The following CDYL variants were observed in gnomAD, a reference collection of about 807,000 sequenced individuals.
The protein encoded by CDYL is chromodomain Y like.
A neutral mutation model predicts 47.3 loss-of-function variants in CDYL; 8 were observed. The ratio of observed to expected loss-of-function variants is 0.17; its 90% CI spans 0.10 to 0.31. CDYL has a LOEUF of 0.31. CDYL is among the 10% of genes least tolerant of loss of function. The pLI is 1.00. For missense variants in CDYL, 471 were observed against 701.4 expected, an observed-to-expected ratio of 0.67 and a Z score of 3.71; for synonymous variants, 266 against 265.0, an observed-to-expected ratio of 1.00 and a Z score of -0.04.
At chr6:4,810,088 C>T (rs1291218437) in intron 1 of CDYL, among the ~76,000 whole-genome samples, 1 of 151,896 alleles carries the variant, frequency 6.6e-6, no homozygotes, top group African/African-American at 2.4e-5. Flanking sequence ...TACTTTCTCC[C>T]CGTTGGCTTT....
chr6:4,823,785 G>A (rs998185887), intron 1 of CDYL, among the ~76,000 whole-genome samples: 4 of 152,048 alleles, frequency 2.6e-5, no homozygotes, highest in Non-Finnish European at 4.4e-5. Context: ...ACAATTCCAT[G>A]ATATTAATCA....
At chr6:4,777,640 C>G (rs997543200) in intron 1 of CDYL, among the ~76,000 whole-genome samples, 1 of 152,128 alleles carries the variant, frequency 6.6e-6, no homozygotes, top group African/African-American at 2.4e-5. Flanking sequence ...AAATAAGTTC[C>G]TAAGAGACTT....
intron 3 of CDYL, among the ~76,000 whole-genome samples, chr6:4,769,215 A>G (rs1331200018): frequency 6.6e-6 from 1 of 152,214 alleles, no homozygotes; most frequent in African/African-American, 2.4e-5. Context: ...ATATTGGTTC[A>G]CTAATTGTGC....
At chr6:4,832,566 G>T (rs2127454435) in intron 1 of CDYL, among the ~76,000 whole-genome samples, 1 of 151,036 alleles carries the variant, frequency 6.6e-6, no homozygotes, top group Non-Finnish European at 1.5e-5. Flanking sequence ...GCCTGGCTTT[G>T]GTATCAGAAT....
intron 1 of CDYL, among the ~76,000 whole-genome samples, chr6:4,706,533 C>T (rs1757050194): frequency 6.6e-6 from 1 of 152,070 alleles, no homozygotes; most frequent in Non-Finnish European, 1.5e-5. Context: ...TGGCTCAGGC[C>T]TGTAATCCCA....
chr6:4,852,479 CCTTCCTTCCTTCCAAT>C (rs1760870974), intron 1 of CDYL, among the ~76,000 whole-genome samples: 1 of 127,948 alleles, frequency 7.8e-6, no homozygotes, highest in African/African-American at 3.1e-5. Context: ...AATCTTCCTT[CCTTCCTTCCTTCCAAT>C]CTTCCTTCCT....
At position 4,852,943 on chromosome 6, in the gene CDYL, C is replaced by T. The variant is rs544017533; in HGVS notation, c.25-38770C>T. On this transcript the variant is annotated intron_variant, in intron 1 of 6. Coordinates refer to ENST00000397588, the MANE Select transcript of CDYL (RefSeq NM_004824.4). ...TCATTTGAGTAGCCGGGACCAGCTA[C>T]CATGCCCAGCTAATATTTTAATTCT... Among the ~76,000 whole-genome samples the T allele has an allele frequency of 2.0e-5, 3 of 152,102 alleles. No individual in the cohort carries two copies. In the East Asian group the frequency reaches 5.8e-4, roughly 29 times the overall value.
chr6:4,889,987 T>G (rs1044246393), intron 1 of CDYL: 3 of 985,088 alleles, frequency 3.0e-6, no homozygotes, highest in African/African-American at 1.7e-5. Context: ...GAACCAGTGG[T>G]ACATGGTTAA....
chr6:4,746,745 T>C (rs929952187), intron 3 of CDYL, among the ~76,000 whole-genome samples: 3 of 152,154 alleles, frequency 2.0e-5, no homozygotes, highest in Admixed American at 2.0e-4. Context: ...AGATCTGGCC[T>C]GGAGAAGAAG....
chr6:4,787,348 GC>G (rs1758782439), intron 1 of CDYL, among the ~76,000 whole-genome samples: 1 of 152,086 alleles, frequency 6.6e-6, no homozygotes, highest in Non-Finnish European at 1.5e-5. Context: ...CATTTGGCAC[GC>G]CATCCTGCGA....
intron 1 of CDYL, among the ~76,000 whole-genome samples, chr6:4,816,074 G>T (rs1304557329): frequency 6.7e-6 from 1 of 149,448 alleles, no homozygotes; most frequent in Non-Finnish European, 1.5e-5. Context: ...ATAACCAGTT[G>T]CCCCAATAGT....
chr6:4,785,142 G>T (rs369605428), intron 1 of CDYL, among the ~76,000 whole-genome samples: 10 of 152,204 alleles, frequency 6.6e-5, no homozygotes, highest in African/African-American at 2.4e-4. Flanking sequence ...ATCTGTACAG[G>T]TCTGTAGCCT....
chr6:4,812,279 T>A (rs1759551563), intron 1 of CDYL, among the ~76,000 whole-genome samples: 1 of 152,178 alleles, frequency 6.6e-6, no homozygotes, highest in Non-Finnish European at 1.5e-5. Flanking sequence ...TCTTAGTTGC[T>A]TCCTAACTTT....
At chr6:4,762,641 GTACCAA>G (rs1758192618) in intron 3 of CDYL, among the ~76,000 whole-genome samples, 1 of 62,572 alleles carries the variant, frequency 1.6e-5, no homozygotes, top group African/African-American at 6.6e-5. Flanking sequence ...AGATTAAAGG[GTACCAA>G]AAAAAAAAAA....
chr6:4,776,200 C>T (rs1218678248), upstream of CDYL, among the ~76,000 whole-genome samples: 1 of 141,604 alleles, frequency 7.1e-6, no homozygotes, highest in Non-Finnish European at 1.6e-5. Context: ...TGCCCCGCTC[C>T]TCCCCTTCCT....
chr6:4,902,225 CCT>C (rs1321471401), intron 2 of CDYL, among the ~76,000 whole-genome samples: 1 of 151,372 alleles, frequency 6.6e-6, no homozygotes, highest in African/African-American at 2.4e-5. Context: ...ATGGAAAAAC[CCT>C]GTCTCTACTA....
upstream of CDYL, chr6:4,773,166 G>C (rs952771244): frequency 6.6e-6 from 3 of 457,408 alleles, no homozygotes; most frequent in Non-Finnish European, 1.3e-5. This position sits in a 1 kb window ranked among gnomAD's most constrained non-coding sequence, Gnocchi z 4.6. Context: ...CTACAACAAC[G>C]GGAGCAGGTC....
At chr6:4,937,525 C>A in intron 3 of CDYL, 40 bp from the exon 4 acceptor site, 18 of 1,477,224 alleles carry the variant, frequency 1.2e-5, no homozygotes, top group Non-Finnish European at 1.6e-5. Context: ...ATTTTAAACC[C>A]AAAATATTCT....
chr6:4,814,518 TA>T (rs1759616040), intron 1 of CDYL, among the ~76,000 whole-genome samples: 1 of 152,098 alleles, frequency 6.6e-6, no homozygotes, highest in Non-Finnish European at 1.5e-5. Context: ...ACAAATTTAG[TA>T]TTTTGTTATT....
Sources: gnomAD v4.1 joint callset for allele counts (sites outside exome capture counted in the v4.1 genomes callset) on GRCh38, gnomAD v4.1.1 for gene constraint, Gnocchi (gnomAD v3.1) non-coding constraint, MANE v1.5 for transcripts, NCBI Gene and HGNC (gene_info 2026-07-23, HGNC 2026-07-21) for gene names.